Variants in TNS3 observed in about 807,000 individuals in gnomAD.
TNS3 encodes the protein tensin 3.
A neutral mutation model predicts 140.9 loss-of-function variants in TNS3; 45 were observed. That is an observed-to-expected ratio of 0.32 (90% CI 0.25 to 0.41). The LOEUF (loss-of-function observed/expected upper bound fraction) is 0.41. Ranked by LOEUF, TNS3 falls within the 10% of genes least tolerant of loss-of-function variation. TNS3 has a pLI of 1.00. For synonymous variants in TNS3, 815 were observed against 788.4 expected (o/e 1.03, Z -0.56); for missense variants, 1,716 against 1,906.7 (o/e 0.90, Z 1.86).
chr7:47,378,760 G>C (rs998081993), intron 16 of TNS3, among the ~76,000 whole-genome samples: 1 of 152,142 alleles, frequency 6.6e-6, no homozygotes, highest in Non-Finnish European at 1.5e-5. Context: ...GAGGGCTAAG[G>C]GTTTTCTGGC....
intron 3 of TNS3, among the ~76,000 whole-genome samples, chr7:47,505,702 C>T (rs1265134126): frequency 1.3e-5 from 2 of 151,842 alleles, no homozygotes; most frequent in Non-Finnish European, 2.9e-5. Context: ...CTATACTAGT[C>T]TAGTTCTTCC....
In TNS3 at chr7:47,316,214, A is replaced by T. The variant is rs1409252502; in HGVS notation, c.2651-11211T>A. On this transcript the variant is annotated intron_variant, in intron 20 of 30. Coordinates refer to ENST00000311160, the MANE Select transcript of TNS3 (RefSeq NM_022748.12). ...AGTTAAATAGGAAGTATCTTTTTCC[A>T]TTATTTGAGAGAGTTCTAAAAAAAT... 8.8e-5 allele frequency among the ~76,000 whole-genome samples: 13 copies of T among 147,780 alleles called. 2 individuals carry two copies. The Admixed American group carries it at 8.9e-4, about 10-fold the overall frequency.
intron 3 of TNS3, among the ~76,000 whole-genome samples, chr7:47,491,566 C>T (rs997676346): frequency 1.3e-5 from 2 of 152,182 alleles, no homozygotes; most frequent in African/African-American, 4.8e-5. Flanking sequence ...TCAAAGACAG[C>T]AGCATAGTTA....
chr7:47,457,118 G>A (rs868080841), intron 4 of TNS3, among the ~76,000 whole-genome samples: 1 of 39,562 alleles, frequency 2.5e-5, no homozygotes, highest in Non-Finnish European at 6.1e-5. Flanking sequence ...AAGGGGAGGG[G>A]AGGGGAGGGG....
At chr7:47,568,723 G>A (rs1800484695) in intron 1 of TNS3, among the ~76,000 whole-genome samples, 1 of 152,250 alleles carries the variant, frequency 6.6e-6, no homozygotes, top group Non-Finnish European at 1.5e-5. Context: ...GCTGCAAACA[G>A]AACAGTGCGT....
chr7:47,464,423 C>T (rs989835306), intron 4 of TNS3, among the ~76,000 whole-genome samples: 3 of 152,126 alleles, frequency 2.0e-5, no homozygotes, highest in South Asian at 2.1e-4. Context: ...CAGAGGCCGC[C>T]GAGTTCTCAG....
rs1259995959 is a variant in TNS3, at chr7:47,441,994, G to A, written c.-23+9C>T. The stretch of plus-strand genomic sequence containing the variant: ...GACACAGGAATGCATGACCCACACA[G>A]ACACTCACCGCAGAGGTTTATCACG... On this transcript the variant is annotated intron_variant, in intron 5 of 30. Transcript: ENST00000311160. 23 of 1,290,074 alleles carry A rather than the reference G, an allele frequency of 1.8e-5. No homozygotes were observed. The South Asian group carries it at 2.6e-4, about 15-fold the overall frequency. The allele number at this position is 1,290,074 out of a possible 1,614,324, so 79.9% of individuals were successfully genotyped here.
chr7:47,286,196 C>A (rs1785413031), intron 27 of TNS3, among the ~76,000 whole-genome samples: 1 of 152,160 alleles, frequency 6.6e-6, no homozygotes, highest in African/African-American at 2.4e-5. Flanking sequence ...ACCACAGCTG[C>A]CACAACCCAG....
chr7:47,412,849 C>G (rs1322755449), intron 12 of TNS3, among the ~76,000 whole-genome samples: 1 of 152,146 alleles, frequency 6.6e-6, no homozygotes, highest in African/African-American at 2.4e-5. Flanking sequence ...ATTTTCACAG[C>G]CTTTACATTG....
chr7:47,387,312 C>G (rs992576789), intron 16 of TNS3, among the ~76,000 whole-genome samples: 1 of 152,168 alleles, frequency 6.6e-6, no homozygotes, highest in Non-Finnish European at 1.5e-5. Flanking sequence ...CCTTAAGAAC[C>G]AACTTGGAAT....
chr7:47,428,858 C>T (rs755658963), intron 8 of TNS3, among the ~76,000 whole-genome samples: 4 of 152,176 alleles, frequency 2.6e-5, no homozygotes, highest in East Asian at 1.9e-4. Context: ...CATACACCGC[C>T]GCAGCCCACC....
At chr7:47,447,717 C>A (rs1271157311) in intron 4 of TNS3, among the ~76,000 whole-genome samples, 2 of 152,212 alleles carry the variant, frequency 1.3e-5, no homozygotes, top group African/African-American at 4.8e-5. Context: ...TCCTAGCACA[C>A]CCTAGGCTTC....
In TNS3 at chr7:47,292,844, C is replaced by G; in HGVS notation, c.3834G>C (p.Leu1278=). ...SITPLALPCK[L]LIPERDPLEE... ...ACCCCTTACCTCTCTCTGGGATAAGCAGCTTGCACGGCAAGGCCAAGGGCG... is the reference window on the plus strand; with the variant it reads ...ACCCCTTACCTCTCTCTGGGATAAGGAGCTTGCACGGCAAGGCCAAGGGCG... Residue 1278 remains leucine, a synonymous_variant, in exon 26 of 31, where the codon CTG becomes CTC. Transcript: ENST00000311160. 3 of 1,614,154 alleles carry G rather than the reference C, an allele frequency of 1.9e-6. No individual in the cohort carries two copies. Among genetic ancestry groups the G allele is most frequent in the Non-Finnish European group, 2.5e-6 (3 of 1,180,022 alleles).
rs184709161 is a variant in TNS3 at position 47,389,714 on chromosome 7, C to T, written c.1024+7086G>A. ...CGCACTTGAGACAGGAGGAAGCCGG[C>T]GCCCCCAGGCCACTCTCTCAGGTGA... is the stretch of plus-strand genomic sequence containing the variant. On this transcript the variant is annotated intron_variant, in intron 16 of 30. Transcript: ENST00000311160. Among the ~76,000 whole-genome samples the T allele has an allele frequency of 1.1e-4, 17 of 152,318 alleles. No homozygotes were observed. In the East Asian group the frequency reaches 1.5e-3, roughly 14 times the overall value.
intron 4 of TNS3, among the ~76,000 whole-genome samples, chr7:47,452,567 AG>A (rs1796063657): frequency 6.6e-6 from 1 of 152,230 alleles, no homozygotes; most frequent in Non-Finnish European, 1.5e-5. Context: ...CTCCCTGGCC[AG>A]GAGCTCAGGC....
Position 47,370,396 on chromosome 7 carries a change from GC to G in TNS3, c.1025-776del, listed in dbSNP as rs542027258. On this transcript the variant is annotated intron_variant, in intron 16 of 30. Coordinates refer to ENST00000311160, the MANE Select transcript of TNS3 (RefSeq NM_022748.12). ...TTCCTGTTTGGCACAGCAACTTTGGGCCACGTAGGTGCCGGGTGAATGTCTC... is the reference window on the plus strand; with the variant it reads ...TTCCTGTTTGGCACAGCAACTTTGGGCACGTAGGTGCCGGGTGAATGTCTC... Among the ~76,000 whole-genome samples the G allele has an allele frequency of 2.8e-3, 423 of 152,338 alleles. 2 individuals carry two copies. The highest frequency in any genetic ancestry group is 9.8e-3 in the African/African-American group (406 of 41,586).
intron 1 of TNS3, among the ~76,000 whole-genome samples, chr7:47,573,372 C>T (rs975528883): frequency 3.9e-5 from 6 of 152,214 alleles, no homozygotes; most frequent in Non-Finnish European, 7.3e-5. Context: ...TCCACGCTGC[C>T]TCCCACCAGC....
intron 4 of TNS3, among the ~76,000 whole-genome samples, chr7:47,461,925 T>C (rs999938955): frequency 6.6e-6 from 1 of 152,190 alleles, no homozygotes; most frequent in Admixed American, 6.5e-5. Context: ...TTTCTTACAC[T>C]CTGAGGAACC....
chr7:47,469,973 C>CAAAAA (rs144012426), intron 4 of TNS3, among the ~76,000 whole-genome samples: 4,146 of 64,756 alleles, frequency 0.064, 285 homozygotes, highest in African/African-American at 0.097. Context: ...AACTCTGTCT[C>CAAAAA]AAAAAAAAAA....
Sources: gnomAD v4.1 joint callset for allele counts (sites outside exome capture counted in the v4.1 genomes callset) on GRCh38, gnomAD v4.1.1 for gene constraint, MANE v1.5 for transcripts, NCBI Gene and HGNC (gene_info 2026-07-23, HGNC 2026-07-21) for gene names.